The following TNFSF4 variants were observed in gnomAD, a reference collection of about 807,000 sequenced individuals.
TNFSF4 encodes the protein tumor necrosis factor ligand superfamily member 4.
TNFSF4 carries 4 observed loss-of-function variants against 7.3 expected under a neutral mutation model. The observed-to-expected ratio is 0.55, with a 90% confidence interval of 0.27 to 1.25. The LOEUF is 1.25. Among genes scored for constraint, TNFSF4 ranks in the 50% most tolerant of loss-of-function variants. The pLI, the probability that TNFSF4 is intolerant of heterozygous loss-of-function variation, is 0.12. For synonymous variants in TNFSF4, 76 were observed against 83.7 expected (o/e 0.91, Z 0.50); for missense variants, 181 against 208.8 (o/e 0.87, Z 0.82).
chr1:173,187,112 G>A (rs902901202), intron 2 of TNFSF4, among the ~76,000 whole-genome samples: 4 of 152,014 alleles, frequency 2.6e-5, no homozygotes, highest in African/African-American at 9.7e-5. Context: ...TACCTGCAGG[G>A]TGGAAACTGC....
chr1:173,422,027 T>A, the TNFSF4 span, among the ~76,000 whole-genome samples: 2 of 152,114 alleles, frequency 1.3e-5, no homozygotes, highest in African/African-American at 4.8e-5. Flanking sequence ...AAAGCCATGT[T>A]ACAGTCCCAC....
In TNFSF4 at chr1:173,199,198, C is replaced by G. The variant is rs568930174; in HGVS notation, c.153+7826G>C. The stretch of plus-strand genomic sequence containing the variant: ...GGGAGGACCACGTCTATTTCACTCA[C>G]CTTTGTGTCCTCAGTGCCTGACAGG... On this transcript the variant is annotated intron_variant, in intron 1 of 2. Coordinates refer to ENST00000281834, the MANE Select transcript of TNFSF4 (RefSeq NM_003326.5). Among the ~76,000 whole-genome samples, 8 of 152,300 alleles carry G rather than the reference C, an allele frequency of 5.3e-5. No individual in the cohort carries two copies. The East Asian group carries it at 1.5e-3, about 29-fold the overall frequency.
the TNFSF4 span, among the ~76,000 whole-genome samples, chr1:173,374,782 A>G: frequency 6.6e-6 from 1 of 152,150 alleles, no homozygotes; most frequent in Non-Finnish European, 1.5e-5. Flanking sequence ...CCAGGATAAA[A>G]ATAAAGCAGA....
the TNFSF4 span, among the ~76,000 whole-genome samples, chr1:173,398,409 C>CTTTTTTTTTTT: frequency 3.5e-3 from 359 of 101,508 alleles, no homozygotes; most frequent in Middle Eastern, 0.014. Flanking sequence ...TATTTCTTTT[C>CTTTTTTTTTTT]TTTTTTTTTT....
At chr1:173,289,655 A>T in the TNFSF4 span, among the ~76,000 whole-genome samples, 1 of 152,212 alleles carries the variant, frequency 6.6e-6, no homozygotes, top group African/African-American at 2.4e-5. Flanking sequence ...CAAGTGTGTA[A>T]ATGAACACAT....
At chr1:173,247,800 A>G in the TNFSF4 span, among the ~76,000 whole-genome samples, 2 of 152,174 alleles carry the variant, frequency 1.3e-5, no homozygotes, top group African/African-American at 4.8e-5. Context: ...TGTCCCTACT[A>G]TGTGCCAAGC....
chr1:173,408,731 G>A, the TNFSF4 span, among the ~76,000 whole-genome samples: 1 of 152,012 alleles, frequency 6.6e-6, no homozygotes, highest in African/African-American at 2.4e-5. Flanking sequence ...GGGACTACAG[G>A]CATGCGCCAC....
At chr1:173,401,825 T>C in the TNFSF4 span, among the ~76,000 whole-genome samples, 3 of 152,258 alleles carry the variant, frequency 2.0e-5, no homozygotes, top group African/African-American at 4.8e-5. Context: ...AATACAACTA[T>C]ATATTTGGGA....
chr1:173,333,748 G>C, the TNFSF4 span, among the ~76,000 whole-genome samples: 1 of 152,124 alleles, frequency 6.6e-6, no homozygotes, highest in Non-Finnish European at 1.5e-5. Flanking sequence ...AAAAATTTCT[G>C]TTGTCTAAAC....
the TNFSF4 span, among the ~76,000 whole-genome samples, chr1:173,321,980 T>G: frequency 6.6e-6 from 1 of 152,186 alleles, no homozygotes; most frequent in African/African-American, 2.4e-5. Context: ...ACCCAAAGGA[T>G]TATAAATCAT....
chr1:173,278,490 C>G, the TNFSF4 span, among the ~76,000 whole-genome samples: 1 of 152,052 alleles, frequency 6.6e-6, no homozygotes, highest in Non-Finnish European at 1.5e-5. Context: ...AACCCTACCA[C>G]CATCATTTAT....
the TNFSF4 span, among the ~76,000 whole-genome samples, chr1:173,379,343 C>T: frequency 6.6e-6 from 1 of 151,830 alleles, no homozygotes; most frequent in Non-Finnish European, 1.5e-5. Flanking sequence ...AGGAAATAGC[C>T]CAGGTACATG....
At chr1:173,438,554 G>GT in the TNFSF4 span, among the ~76,000 whole-genome samples, 1 of 152,028 alleles carries the variant, frequency 6.6e-6, no homozygotes, top group Non-Finnish European at 1.5e-5. Flanking sequence ...CCAAGTAGAA[G>GT]TATTTTTCTC....
At chr1:173,235,713 A>T in the TNFSF4 span, among the ~76,000 whole-genome samples, 10 of 152,336 alleles carry the variant, frequency 6.6e-5, no homozygotes, top group East Asian at 1.9e-3. Flanking sequence ...TGAGGTGTAT[A>T]ACCTTTTAAA....
At chr1:173,219,044 CTTGT>C in the TNFSF4 span, among the ~76,000 whole-genome samples, 1 of 152,016 alleles carries the variant, frequency 6.6e-6, no homozygotes, top group Non-Finnish European at 1.5e-5. Context: ...GAAAAACTGT[CTTGT>C]TTATTTGATT....
intron 1 of TNFSF4, chr1:173,205,522 CAGTT>C (rs2102002580): frequency 1.4e-6 from 2 of 1,386,262 alleles, no homozygotes; most frequent in Non-Finnish European, 1.9e-6. Flanking sequence ...GTTGTGCAAT[CAGTT>C]AGCCTTGAAT....
intron 1 of TNFSF4, among the ~76,000 whole-genome samples, chr1:173,204,319 CAAAGAGG>C (rs1474150501): frequency 6.6e-6 from 1 of 152,048 alleles, no homozygotes; most frequent in Non-Finnish European, 1.5e-5. Context: ...AATCAAGGCT[CAAAGAGG>C]AAAGTAAATT....
chr1:173,182,676 G>A (rs1399796015), downstream of TNFSF4, among the ~76,000 whole-genome samples: 1 of 152,204 alleles, frequency 6.6e-6, no homozygotes, highest in Non-Finnish European at 1.5e-5. Context: ...TAACACAAGT[G>A]ATTACAACAA....
chr1:173,256,579 A>G, the TNFSF4 span, among the ~76,000 whole-genome samples: 1 of 152,202 alleles, frequency 6.6e-6, no homozygotes, highest in Admixed American at 6.5e-5. Context: ...GTCCATAACA[A>G]TGGTAGAAGA....
Sources: allele counts gnomAD v4.1 joint callset (sites outside exome capture counted in the v4.1 genomes callset), GRCh38; gene constraint gnomAD v4.1.1; transcripts MANE v1.5; gene names NCBI Gene and HGNC (gene_info 2026-07-23, HGNC 2026-07-21).